The following SCHIP1 variants were observed in gnomAD, a reference collection of about 807,000 sequenced individuals.
SCHIP1 encodes the protein schwannomin-interacting protein 1.
In SCHIP1, 8 loss-of-function variants were observed where a neutral mutation model predicts 29.7. The ratio of observed to expected loss-of-function variants is 0.27; its 90% CI spans 0.16 to 0.49. The LOEUF is 0.49. Among genes scored for constraint, SCHIP1 ranks in the 20% least tolerant of loss-of-function variants. SCHIP1 has a pLI of 0.99. For synonymous variants in SCHIP1, 76 were observed against 94.9 expected (o/e 0.80, Z 1.16); for missense variants, 193 against 294.6 (o/e 0.66, Z 2.52).
the SCHIP1 span, among the ~76,000 whole-genome samples, chr3:159,487,706 G>A: frequency 6.6e-6 from 1 of 152,100 alleles, no homozygotes; most frequent in African/African-American, 2.4e-5. Context: ...TGTGATAGAA[G>A]CCCACCTAAG....
At chr3:159,575,431 CTGTT>C in the SCHIP1 span, among the ~76,000 whole-genome samples, 2 of 151,904 alleles carry the variant, frequency 1.3e-5, no homozygotes, top group African/African-American at 4.8e-5. Flanking sequence ...AAATTGCACA[CTGTT>C]TCTTTATTAT....
the SCHIP1 span, among the ~76,000 whole-genome samples, chr3:159,318,233 G>A: frequency 1.3e-5 from 2 of 152,104 alleles, no homozygotes; most frequent in African/African-American, 4.8e-5. Flanking sequence ...CTGCTGATAG[G>A]CACTCACATG....
the SCHIP1 span, among the ~76,000 whole-genome samples, chr3:159,569,312 C>G: frequency 5.3e-5 from 8 of 152,116 alleles, no homozygotes. Context: ...TGCTATTCCT[C>G]CCCTAGCCCC....
the SCHIP1 span, among the ~76,000 whole-genome samples, chr3:159,580,963 A>C: frequency 6.6e-6 from 1 of 152,142 alleles, no homozygotes; most frequent in African/African-American, 2.4e-5. Flanking sequence ...ATTCTGAAAA[A>C]TTGTGTCTCT....
the SCHIP1 span, among the ~76,000 whole-genome samples, chr3:159,692,133 C>T: frequency 6.6e-6 from 1 of 151,040 alleles, no homozygotes; most frequent in African/African-American, 2.4e-5. Context: ...GTAACCCGAC[C>T]TTTCTCTCTG....
chr3:159,573,057 CTT>C, the SCHIP1 span, among the ~76,000 whole-genome samples: 13 of 151,666 alleles, frequency 8.6e-5, no homozygotes, highest in Middle Eastern at 3.2e-3. Flanking sequence ...GGTCTTGACT[CTT>C]TATCCAATTT....
chr3:159,687,747 C>T, the SCHIP1 span, among the ~76,000 whole-genome samples: 1 of 152,150 alleles, frequency 6.6e-6, no homozygotes, highest in South Asian at 2.1e-4. Flanking sequence ...CTATCCCTCC[C>T]CTTGCCCCTC....
the SCHIP1 span, among the ~76,000 whole-genome samples, chr3:159,540,172 T>C: frequency 0.026 from 4,010 of 152,120 alleles, 145 homozygotes; most frequent in African/African-American, 0.086. Context: ...TATCATATCC[T>C]TCATCAAAGA....
chr3:159,543,333 A>G, the SCHIP1 span, among the ~76,000 whole-genome samples: 2 of 143,234 alleles, frequency 1.4e-5, no homozygotes, highest in Non-Finnish European at 3.1e-5. Context: ...AGCATTAGGT[A>G]TATCTCCTAA....
chr3:159,319,267 T>G, the SCHIP1 span, among the ~76,000 whole-genome samples: 1 of 152,122 alleles, frequency 6.6e-6, no homozygotes, highest in Non-Finnish European at 1.5e-5. Flanking sequence ...TTTGGTGATA[T>G]GAGATATGGA....
chr3:159,273,703 G>T, the SCHIP1 span: 4 of 1,502,612 alleles, frequency 2.7e-6, no homozygotes, highest in Non-Finnish European at 3.6e-6. Flanking sequence ...GTGTGTTATA[G>T]AAATTTTTTA....
At chr3:159,895,665 A>G (rs1717989801) in intron 6 of SCHIP1, among the ~76,000 whole-genome samples, 1 of 151,992 alleles carries the variant, frequency 6.6e-6, no homozygotes, top group Non-Finnish European at 1.5e-5. Context: ...ACAGGTCATA[A>G]TAGAGCTTGT....
chr3:159,794,248 CTGA>C, the SCHIP1 span, among the ~76,000 whole-genome samples: 1 of 152,178 alleles, frequency 6.6e-6, no homozygotes, highest in Non-Finnish European at 1.5e-5. Context: ...TCTACAGTTT[CTGA>C]TGGGTAAGAG....
chr3:159,570,623 T>G, the SCHIP1 span, among the ~76,000 whole-genome samples: 1 of 152,214 alleles, frequency 6.6e-6, no homozygotes, highest in African/African-American at 2.4e-5. Context: ...GTCTTGGCAA[T>G]GCAGGCTCTT....
the SCHIP1 span, among the ~76,000 whole-genome samples, chr3:159,777,396 G>A: frequency 3.3e-5 from 5 of 152,066 alleles, no homozygotes; most frequent in Non-Finnish European, 7.4e-5. Flanking sequence ...TGACACCAGA[G>A]TAGCTTTTTT....
the SCHIP1 span, among the ~76,000 whole-genome samples, chr3:159,287,062 C>G: frequency 1.3e-5 from 2 of 152,042 alleles, no homozygotes; most frequent in Non-Finnish European, 2.9e-5. Flanking sequence ...TGCCGAAGCT[C>G]TTTAGTTTAG....
upstream of SCHIP1, among the ~76,000 whole-genome samples, chr3:159,834,982 C>T (rs6765276): frequency 6.6e-6 from 1 of 152,102 alleles, no homozygotes; most frequent in African/African-American, 2.4e-5. Flanking sequence ...TCTTTGGGTG[C>T]GGCATTCAAG....
chr3:159,736,956 T>G, the SCHIP1 span, among the ~76,000 whole-genome samples: 115 of 151,672 alleles, frequency 7.6e-4, no homozygotes, highest in East Asian at 1.9e-3. Context: ...GGATGGTCTC[T>G]ATCTCCTGAC....
chr3:159,825,403 AG>A, the SCHIP1 span, among the ~76,000 whole-genome samples: 3 of 152,140 alleles, frequency 2.0e-5, no homozygotes, highest in Non-Finnish European at 2.9e-5. Flanking sequence ...CACAGTGAGG[AG>A]GGAAGTGTAG....
Sources: allele counts gnomAD v4.1 joint callset (sites outside exome capture counted in the v4.1 genomes callset), GRCh38; gene constraint gnomAD v4.1.1; transcripts MANE v1.5; gene names NCBI Gene and HGNC (gene_info 2026-07-23, HGNC 2026-07-21).